The following CAMTA1 variants were observed in gnomAD, a reference collection of about 807,000 sequenced individuals.
CAMTA1 encodes calmodulin binding transcription activator 1, also known as calmodulin-binding transcription activator 1.
CAMTA1 carries 27 observed loss-of-function variants against 170.9 expected under a neutral mutation model. That is an observed-to-expected ratio of 0.16 (90% CI 0.12 to 0.22). The LOEUF is 0.22. Ranked by LOEUF, CAMTA1 falls within the 10% of genes least tolerant of loss-of-function variation. The pLI is 1.00. For missense variants in CAMTA1, 1,619 were observed against 2,217.2 expected (o/e 0.73, Z 5.42); for synonymous variants, 833 against 891.5 (o/e 0.93, Z 1.17).
chr1:7,333,004 G>A lies in CAMTA1; in HGVS notation c.438+83378G>A, dbSNP rs1402079750. Among the ~76,000 whole-genome samples, 1 of 152,166 alleles carries A rather than the reference G, an allele frequency of 6.6e-6. No homozygotes were observed. The highest frequency in any genetic ancestry group is 2.4e-5 in the African/African-American group (1 of 41,416). Reference sequence around the variant, plus strand: ...CTATGGAGAGTTGGTGGAAGAAGTTGGCTTCCATGAGAGGGGGCAAGTGTG... The same window carrying A: ...CTATGGAGAGTTGGTGGAAGAAGTTAGCTTCCATGAGAGGGGGCAAGTGTG... On this transcript the variant is annotated intron_variant, in intron 5 of 22. Transcript: ENST00000303635. The surrounding 1 kb of genome is among the most constrained non-coding windows in gnomAD (Gnocchi z 4.4).
chr1:7,392,001 T>G (rs930698408), intron 5 of CAMTA1, among the ~76,000 whole-genome samples: 1 of 152,246 alleles, frequency 6.6e-6, no homozygotes, highest in African/African-American at 2.4e-5. Context: ...CATACATTTT[T>G]ATTTCTCTTG....
At chr1:6,830,640 G>A (rs1410523291) in intron 3 of CAMTA1, among the ~76,000 whole-genome samples, 2 of 152,058 alleles carry the variant, frequency 1.3e-5, no homozygotes, top group Non-Finnish European at 2.9e-5. Context: ...ACGGCGCCCA[G>A]CTTAAAACAA....
chr1:7,124,982 G>A (rs1375800275), intron 4 of CAMTA1, among the ~76,000 whole-genome samples: 2 of 152,152 alleles, frequency 1.3e-5, no homozygotes, highest in Non-Finnish European at 1.5e-5. Context: ...TCTAAGTGCC[G>A]TCTCTGCTCT....
At chr1:7,095,487 C>T (rs186873865) in intron 4 of CAMTA1, among the ~76,000 whole-genome samples, 18 of 152,310 alleles carry the variant, frequency 1.2e-4, no homozygotes, top group Admixed American at 2.6e-4. Context: ...ATGGAAGGTA[C>T]GTGCCCTCCT....
In CAMTA1 at chr1:7,663,552, C is replaced by G. The variant is rs776024225; in HGVS notation, c.1005C>G (p.Leu335=). The G allele has an allele frequency of 6.2e-7, 1 of 1,609,616 alleles. No homozygotes were observed. Among genetic ancestry groups the G allele is most frequent in the South Asian group, 1.1e-5 (1 of 90,978 alleles). The part of the protein sequence containing the change: ...KRNGKVAKPV[L]LHQSSTEVSS... ...ACGGCAAGGTGGCCAAGCCCGTGCT[C>G]CTGCACCAGAGCAGCACCGAGGTCT... Residue 335 remains leucine (L), a synonymous_variant, in exon 9 of 23, where the codon CTC becomes CTG. Coordinates refer to ENST00000303635, the MANE Select transcript of CAMTA1 (RefSeq NM_015215.4).
At chr1:7,472,838 G>T (rs2093356466) in intron 6 of CAMTA1, among the ~76,000 whole-genome samples, 1 of 152,192 alleles carries the variant, frequency 6.6e-6, no homozygotes, top group Non-Finnish European at 1.5e-5. Flanking sequence ...TCTGTGGCTG[G>T]TGCTGCTGAG....
At chr1:7,718,251 G>C (rs963457796) in intron 11 of CAMTA1, among the ~76,000 whole-genome samples, 1 of 152,126 alleles carries the variant, frequency 6.6e-6, no homozygotes, top group African/African-American at 2.4e-5. Context: ...CGTAAACACA[G>C]TGGGCGTTCC....
intron 3 of CAMTA1, among the ~76,000 whole-genome samples, chr1:6,856,194 C>A (rs1279997374): frequency 4.0e-5 from 6 of 151,538 alleles, no homozygotes; most frequent in African/African-American, 1.5e-4. Flanking sequence ...ACCTGCGTTG[C>A]AGGAGCTGGA....
intron 11 of CAMTA1, among the ~76,000 whole-genome samples, chr1:7,704,768 C>T (rs1439005645): frequency 6.8e-6 from 1 of 147,172 alleles, no homozygotes; most frequent in Non-Finnish European, 1.5e-5. Flanking sequence ...CCAGCTGCGG[C>T]GAGTGGAGCT....
chr1:7,396,880 T>C (rs1275745705), intron 5 of CAMTA1, among the ~76,000 whole-genome samples: 1 of 152,250 alleles, frequency 6.6e-6, no homozygotes, highest in African/African-American at 2.4e-5. Flanking sequence ...TTTAATGTAC[T>C]GTTGAATTCA....
chr1:7,222,819 C>T (rs1429115674), intron 4 of CAMTA1, among the ~76,000 whole-genome samples: 1 of 152,348 alleles, frequency 6.6e-6, no homozygotes, highest in East Asian at 1.9e-4. Context: ...GGCTTCGCCG[C>T]GTGCCAGCTC....
rs578045334 is a variant in CAMTA1, at chr1:7,680,174, T to G, written c.2914+2441T>G. On this transcript the variant is annotated intron_variant, in intron 11 of 22. Transcript: ENST00000303635. This position sits in a 1 kb window ranked among gnomAD's most constrained non-coding sequence, Gnocchi z 4.4. ...TCTGGCCAGCCACGGGGCCTGGCCA[T>G]GAACTTTGCGTCCGGGCCAATGCTG... 61 of 263,134 alleles carry G rather than the reference T, an allele frequency of 2.3e-4. No individual in the cohort carries two copies. Among genetic ancestry groups the G allele is most frequent in the Non-Finnish European group, 4.2e-4 (51 of 120,206 alleles). The allele number at this position is 263,134 out of a possible 1,614,324, so 16.3% of individuals were successfully genotyped here. A position where few individuals can be genotyped will look rare whatever the true frequency, so the allele number is the denominator to read the frequency against.
intron 6 of CAMTA1, among the ~76,000 whole-genome samples, chr1:7,617,600 A>C (rs917479984): frequency 3.3e-5 from 5 of 152,138 alleles, no homozygotes; most frequent in Non-Finnish European, 7.3e-5. Flanking sequence ...TTTCCCTGCT[A>C]AGCAGACACT....
intron 4 of CAMTA1, among the ~76,000 whole-genome samples, chr1:7,099,715 T>C (rs1558094591): frequency 1.3e-5 from 2 of 152,182 alleles, no homozygotes; most frequent in South Asian, 2.1e-4. Context: ...CTACATTTTT[T>C]CTCTGGAACC....
intron 11 of CAMTA1, among the ~76,000 whole-genome samples, chr1:7,687,169 G>A (rs1320898846): frequency 6.6e-6 from 1 of 151,862 alleles, no homozygotes; most frequent in Non-Finnish European, 1.5e-5. Flanking sequence ...ATGAAGCAGA[G>A]GAGAGGCTGC....
chr1:7,169,163 T>C (rs1202244071), intron 4 of CAMTA1, among the ~76,000 whole-genome samples: 1 of 152,230 alleles, frequency 6.6e-6, no homozygotes, highest in East Asian at 1.9e-4. Flanking sequence ...TTATTATTTT[T>C]AGACATTACT....
chr1:7,279,530 A>C (rs1404197397), intron 5 of CAMTA1, among the ~76,000 whole-genome samples: 1 of 152,140 alleles, frequency 6.6e-6, no homozygotes, highest in Non-Finnish European at 1.5e-5. Flanking sequence ...TTCTCGGCAG[A>C]ATGTCAAGCA....
intron 3 of CAMTA1, among the ~76,000 whole-genome samples, chr1:7,003,697 G>A (rs988990839): frequency 6.6e-6 from 1 of 152,160 alleles, no homozygotes; most frequent in African/African-American, 2.4e-5. Flanking sequence ...AGGCCACAGA[G>A]GTACTTTGTT....
At chr1:6,877,093 TG>T (rs1031566134) in intron 3 of CAMTA1, among the ~76,000 whole-genome samples, 75 of 152,298 alleles carry the variant, frequency 4.9e-4, no homozygotes, top group African/African-American at 1.8e-3. Flanking sequence ...GAGTGAGAGT[TG>T]GGATGGCGGA....
Sources: allele counts gnomAD v4.1 joint callset (sites outside exome capture counted in the v4.1 genomes callset), GRCh38; gene constraint gnomAD v4.1.1; non-coding constraint Gnocchi (gnomAD v3.1); transcripts MANE v1.5; gene names NCBI Gene and HGNC (gene_info 2026-07-23, HGNC 2026-07-21).